Variants in ITGA8 observed in about 807,000 individuals in gnomAD.
ITGA8 encodes integrin alpha-8.
ITGA8 carries 91 observed loss-of-function variants against 142.3 expected under a neutral mutation model. The ratio of observed to expected loss-of-function variants is 0.64; its 90% CI spans 0.54 to 0.76. ITGA8 has a LOEUF of 0.76. Ranked by LOEUF, ITGA8 falls within the 30% of genes least tolerant of loss-of-function variation. ITGA8 has a pLI of 0.00. For missense variants in ITGA8, 1,406 were observed against 1,327.7 expected (o/e 1.06, Z -0.92); for synonymous variants, 505 against 485.2 (o/e 1.04, Z -0.54).
chr10:15,678,706 G>T lies in ITGA8; in HGVS notation c.630+16C>A. 6.3e-7 allele frequency: 1 copy of T among 1,591,428 alleles called. No individual in the cohort carries two copies. The highest frequency in any genetic ancestry group is 8.6e-7 in the Non-Finnish European group (1 of 1,160,294). ...TCAGATTAAATATTAGGAACTGCGA[G>T]ACCAAAATAATTCACCTTATAAAAA... On this transcript the variant is annotated intron_variant, in intron 5 of 29. Transcript: ENST00000378076.
chr10:15,666,071 T>C (rs1379591359), intron 8 of ITGA8, among the ~76,000 whole-genome samples: 1 of 152,254 alleles, frequency 6.6e-6, no homozygotes, highest in Non-Finnish European at 1.5e-5. Flanking sequence ...ATTGGTAGCT[T>C]GATGGGGATG....
chr10:15,618,616 T>A (rs1420017842), intron 13 of ITGA8, among the ~76,000 whole-genome samples: 1 of 152,136 alleles, frequency 6.6e-6, no homozygotes, highest in Non-Finnish European at 1.5e-5. Flanking sequence ...ACCCTGAATC[T>A]GGTGGGCACC....
intron 2 of ITGA8, among the ~76,000 whole-genome samples, chr10:15,691,077 G>A (rs1348355408): frequency 6.6e-6 from 1 of 152,140 alleles, no homozygotes; most frequent in Admixed American, 6.5e-5. Context: ...CGGCCAACAG[G>A]TATATGTGAA....
At position 15,636,153 on chromosome 10, in the gene ITGA8, C is replaced by T. The variant is rs144244827; in HGVS notation, c.1399+7877G>A. ...CAAAATCTGTACCGCCCCTCCTCCA[C>T]CTTCCAATGCCTGAGCTATGCATTT... is the stretch of plus-strand genomic sequence containing the variant. On this transcript the variant is annotated intron_variant, in intron 13 of 29. Coordinates refer to ENST00000378076, the MANE Select transcript of ITGA8 (RefSeq NM_003638.3). Among the ~76,000 whole-genome samples, 344 of 152,302 alleles carry T rather than the reference C, an allele frequency of 2.3e-3. 10 individuals are homozygous for T. In the East Asian group the frequency reaches 0.054, roughly 24 times the overall value.
chr10:15,516,240 A>G lies in ITGA8; in HGVS notation c.*918T>C, dbSNP rs974280088. The G allele has an allele frequency of 6.6e-5, 10 of 152,244 alleles. No homozygotes were observed. The highest frequency in any genetic ancestry group is 2.4e-4 in the African/African-American group (10 of 41,470). 9.4% of individuals were successfully genotyped at this position (152,244 alleles called of 1,614,324 possible). A position where few individuals can be genotyped will look rare whatever the true frequency, so the allele number is the denominator to read the frequency against. On this transcript the variant is annotated 3_prime_UTR_variant, in exon 30 of 30. Transcript: ENST00000378076. ...GTAGAGAGTACCTCGAAATTCATGT[A>G]TTAACTAAGTCAATGGAAAGATATA...
chr10:15,648,729 C>A (rs1225787271), intron 11 of ITGA8, among the ~76,000 whole-genome samples: 2 of 152,114 alleles, frequency 1.3e-5, no homozygotes, highest in Non-Finnish European at 2.9e-5. Flanking sequence ...CAACATCACT[C>A]TAACCTACCC....
chr10:15,694,375 TATG>T (rs1273463498), intron 2 of ITGA8, among the ~76,000 whole-genome samples: 21 of 137,056 alleles, frequency 1.5e-4, no homozygotes, highest in African/African-American at 5.2e-4. Flanking sequence ...ATATATCATA[TATG>T]ATAATATATC....
intron 27 of ITGA8, among the ~76,000 whole-genome samples, chr10:15,532,124 C>A (rs371290509): frequency 1.4e-4 from 22 of 152,110 alleles, no homozygotes; most frequent in African/African-American, 4.6e-4. Flanking sequence ...AGCACCCTCC[C>A]TCAGTTGTGA....
intron 13 of ITGA8, among the ~76,000 whole-genome samples, chr10:15,633,529 G>A (rs1401555629): frequency 6.6e-6 from 1 of 152,060 alleles, no homozygotes; most frequent in Non-Finnish European, 1.5e-5. Context: ...CGCCTCTCAG[G>A]TTCAAGCAAG....
intron 4 of ITGA8, among the ~76,000 whole-genome samples, chr10:15,682,168 C>T (rs150916784): frequency 4.6e-5 from 7 of 152,142 alleles, no homozygotes; most frequent in Non-Finnish European, 8.8e-5. Context: ...CCTTCTTTCT[C>T]GTCTTGCTGT....
intron 4 of ITGA8, among the ~76,000 whole-genome samples, chr10:15,679,868 A>T (rs1834702995): frequency 6.6e-6 from 1 of 152,226 alleles, no homozygotes; most frequent in South Asian, 2.1e-4. Flanking sequence ...ACTACTTGTA[A>T]CTTGTACTTT....
intron 27 of ITGA8, among the ~76,000 whole-genome samples, chr10:15,534,712 A>C (rs936173995): frequency 1.3e-4 from 19 of 151,874 alleles, no homozygotes; most frequent in Admixed American, 6.5e-5. Flanking sequence ...TTTGAAGGGG[A>C]TATTGATAAG....
intron 17 of ITGA8, 115 bp downstream of exon 17, chr10:15,607,562 A>G: frequency 2.0e-6 from 2 of 998,230 alleles, no homozygotes; most frequent in African/African-American, 3.2e-5. Context: ...TGCTATGAAA[A>G]TGAAAACAGA....
At chr10:15,578,741 T>C (rs1189183702) in intron 23 of ITGA8, among the ~76,000 whole-genome samples, 1 of 152,108 alleles carries the variant, frequency 6.6e-6, no homozygotes, top group Non-Finnish European at 1.5e-5. Context: ...GTGGTCTCTC[T>C]TAGTACATAC....
chr10:15,690,442 A>T (rs1244960220), intron 2 of ITGA8, among the ~76,000 whole-genome samples: 1 of 152,114 alleles, frequency 6.6e-6, no homozygotes, highest in Non-Finnish European at 1.5e-5. Flanking sequence ...GGCCTCGGCT[A>T]CAGGTGAGTG....
At chr10:15,649,955 T>C (rs1415775633) in intron 11 of ITGA8, among the ~76,000 whole-genome samples, 2 of 152,208 alleles carry the variant, frequency 1.3e-5, no homozygotes, top group African/African-American at 4.8e-5. Flanking sequence ...GTTACTCAAA[T>C]GCATTTAAAA....
At chr10:15,717,862 C>A (rs1002362589) in intron 2 of ITGA8, among the ~76,000 whole-genome samples, 1 of 152,162 alleles carries the variant, frequency 6.6e-6, no homozygotes, top group Non-Finnish European at 1.5e-5. Flanking sequence ...ATTCCATATA[C>A]GCACTAATCA....
intron 2 of ITGA8, among the ~76,000 whole-genome samples, chr10:15,717,211 C>T (rs771373971): frequency 5.9e-5 from 9 of 152,186 alleles, no homozygotes; most frequent in Non-Finnish European, 1.0e-4. Context: ...TTATTAAATT[C>T]TTTTCCACGA....
chr10:15,715,630 G>A (rs1934941), intron 2 of ITGA8, among the ~76,000 whole-genome samples: 96,800 of 152,160 alleles, frequency 0.64, 31,536 homozygotes, highest in East Asian at 0.83. Flanking sequence ...TGTGTGTACC[G>A]TGTCTGGTAC....
Sources: allele counts gnomAD v4.1 joint callset (sites outside exome capture counted in the v4.1 genomes callset), GRCh38; gene constraint gnomAD v4.1.1; transcripts MANE v1.5; gene names NCBI Gene and HGNC (gene_info 2026-07-23, HGNC 2026-07-21).